IDH2: variants seen among roughly 807,000 people sequenced by gnomAD.
IDH2 encodes the protein isocitrate dehydrogenase (NADP(+)) 2.
A neutral mutation model predicts 50.5 loss-of-function variants in IDH2; 18 were observed. The ratio of observed to expected loss-of-function variants is 0.36; its 90% confidence interval spans 0.25 to 0.53. The LOEUF (loss-of-function observed/expected upper bound fraction) is 0.53, where lower values mean the gene tolerates loss of function less well. Among genes scored for constraint, IDH2 ranks in the 20% least tolerant of loss-of-function variants. IDH2 has a pLI of 0.92. For synonymous variants in IDH2, 280 were observed against 239.8 expected (o/e 1.17, Z -1.55); for missense variants, 518 against 610.7 (o/e 0.85, Z 1.60).
Position 90,085,391 on chromosome 15 carries a change from G to A in IDH2, c.968-4C>T. ...ATCAGGCCAAGGGAGCCAAAGCCTG[G>A]AGGGTAGAAAGCCTTTCTCTCAGGG... On this transcript the variant is annotated splice_region_variant and splice_polypyrimidine_tract_variant and intron_variant, in intron 7 of 10. Transcript: ENST00000330062. The surrounding 1 kb of genome is among the most constrained non-coding windows in gnomAD (Gnocchi z 5.5). 2 of 1,551,256 alleles carry A rather than the reference G, an allele frequency of 1.3e-6. No homozygotes were observed. The highest frequency in any genetic ancestry group is 1.7e-6 in the Non-Finnish European group (2 of 1,145,644).
At chr15:90,101,825 G>A (rs973218559) in intron 1 of IDH2, among the ~76,000 whole-genome samples, 1 of 152,028 alleles carries the variant, frequency 6.6e-6, no homozygotes, top group African/African-American at 2.4e-5. Flanking sequence ...CATGTCTCCC[G>A]CCTCCCAGCC....
rs765310294 is a variant in IDH2, at chr15:90,087,251, G to T, written c.828C>A (p.Thr276=). 6.2e-7 allele frequency: 1 copy of T among 1,614,094 alleles called. No homozygotes were observed. The highest frequency in any genetic ancestry group is 8.5e-7 in the Non-Finnish European group (1 of 1,180,028). ...FQEIFDKHYK[T]DFDKNKIWYE... is the part of the protein sequence containing the mutation. ...ACCAGATCTTATTCTTGTCGAAGTC[G>T]GTCTTATAGTGCCTGGGAGTAAAAA... is the stretch of plus-strand genomic sequence containing the variant. Residue 276 remains threonine (T), a synonymous_variant, in exon 7 of 11, where the codon ACC becomes ACA. Coordinates refer to ENST00000330062, the MANE Select transcript of IDH2 (RefSeq NM_002168.4).
rs1901288687 is a variant in IDH2 at position 90,100,061 on chromosome 15, CCA to C, written c.115+2213_115+2214del. Among the ~76,000 whole-genome samples the C allele has an allele frequency of 6.6e-6, 1 of 152,090 alleles. No individual in the cohort carries two copies. The highest frequency in any genetic ancestry group is 1.5e-5 in the Non-Finnish European group (1 of 68,028). On this transcript the variant is annotated intron_variant, in intron 1 of 10. Coordinates refer to ENST00000330062, the MANE Select transcript of IDH2 (RefSeq NM_002168.4). This position sits in a 1 kb window ranked among gnomAD's most constrained non-coding sequence, Gnocchi z 4.1. The stretch of plus-strand genomic sequence containing the variant: ...CCTCTCACCCATCTGGTATGCATTG[CCA>C]CACAGGGGCCAGTGAGTTCTTACCA...
chr15:90,099,273 C>T (rs557975670), intron 1 of IDH2, among the ~76,000 whole-genome samples: 1 of 152,302 alleles, frequency 6.6e-6, no homozygotes, highest in Non-Finnish European at 1.5e-5. Context: ...CTGGTGCCTG[C>T]TGAGCCAGCC....
chr15:90,088,164 G>T (rs1900921936), intron 5 of IDH2, among the ~76,000 whole-genome samples, 195 bp downstream of exon 5: 1 of 152,058 alleles, frequency 6.6e-6, no homozygotes, highest in Non-Finnish European at 1.5e-5. Context: ...CAAACTTCTG[G>T]TCTCAAGCAA....
chr15:90,089,041 A>T (rs977598673), intron 3 of IDH2, among the ~76,000 whole-genome samples: 3 of 150,276 alleles, frequency 2.0e-5, no homozygotes, highest in African/African-American at 7.4e-5. Flanking sequence ...CAGCCTCCCG[A>T]GCAGCTGGAA....
At chr15:90,088,269 A>G (rs2151549065) in intron 5 of IDH2, 90 bp downstream of exon 5, 1 of 1,506,408 alleles carries the variant, frequency 6.6e-7, no homozygotes, top group East Asian at 2.3e-5. Flanking sequence ...CCTAAGAATG[A>G]GGCCATTACA....
In IDH2 at chr15:90,092,677, A is replaced by G. The variant is rs1567256967; in HGVS notation, c.116-1033T>C. On this transcript the variant is annotated intron_variant, in intron 1 of 10. Transcript: ENST00000330062. ...CTGCAACCTCCGCCTCCCGAGTTCA[A>G]GTGATTCTCGGGCCTCAGCCTCCCA... 2.6e-5 allele frequency among the ~76,000 whole-genome samples: 4 copies of G among 152,108 alleles called. No individual in the cohort carries two copies. In the East Asian group the frequency reaches 5.8e-4, roughly 22 times the overall value.
At chr15:90,087,333 T>C in intron 6 of IDH2, 70 bp from the exon 7 acceptor site, 1 of 1,612,512 alleles carries the variant, frequency 6.2e-7, no homozygotes, top group Non-Finnish European at 8.5e-7. Context: ...TCCCTGAGCC[T>C]CGGAGCTGAG....
At position 90,085,230 on chromosome 15, in the gene IDH2, C is replaced by T. The variant is rs1024150410; in HGVS notation, c.1080+45G>A. 5.9e-6 allele frequency: 9 copies of T among 1,533,804 alleles called. No homozygotes were observed. In the African/African-American group the frequency reaches 1.2e-4, roughly 21 times the overall value. ...GCCCTCAGCCCAGTGGGCTTTAGGCCCCTGGGGTAGAGGGGCATTGTGAGG... is the reference window on the plus strand; with the variant it reads ...GCCCTCAGCCCAGTGGGCTTTAGGCTCCTGGGGTAGAGGGGCATTGTGAGG... On this transcript the variant is annotated intron_variant, in intron 8 of 10. Coordinates refer to ENST00000330062, the MANE Select transcript of IDH2 (RefSeq NM_002168.4). The surrounding 1 kb of genome is among the most constrained non-coding windows in gnomAD (Gnocchi z 5.5).
Position 90,084,779 on chromosome 15 carries a change from T to C in IDH2, c.1271+37A>G. ...AGGGGTCCCCTGGCTTCCTCCCACATGGCCCCAGGGTCTGCCTACCACCCC... is the reference window on the plus strand; with the variant it reads ...AGGGGTCCCCTGGCTTCCTCCCACACGGCCCCAGGGTCTGCCTACCACCCC... On this transcript the variant is annotated intron_variant, in intron 10 of 10. Coordinates refer to ENST00000330062, the MANE Select transcript of IDH2 (RefSeq NM_002168.4). The surrounding 1 kb of genome is among the most constrained non-coding windows in gnomAD (Gnocchi z 5.0). The C allele has an allele frequency of 1.9e-6, 3 of 1,552,586 alleles. No individual in the cohort carries two copies. The highest frequency in any genetic ancestry group is 2.7e-6 in the Non-Finnish European group (3 of 1,126,818).
At chr15:90,093,760 C>T (rs1394756957) in intron 1 of IDH2, among the ~76,000 whole-genome samples, 2 of 152,178 alleles carry the variant, frequency 1.3e-5, no homozygotes, top group Admixed American at 6.5e-5. Context: ...GCTGGGATTA[C>T]AGGCACACGC....
At position 90,100,734 on chromosome 15, in the gene IDH2, C is replaced by T. The variant is rs1901308003; in HGVS notation, c.115+1542G>A. On this transcript the variant is annotated intron_variant, in intron 1 of 10. Transcript: ENST00000330062. The surrounding 1 kb of genome is among the most constrained non-coding windows in gnomAD (Gnocchi z 4.1). ...ATGCCAAGTATTCTGTCTCCAGCTG[C>T]GTTGCCAGGTAACAAGCTGGCAGAG... The T allele has an allele frequency of 2.5e-6, 2 of 796,662 alleles. No homozygotes were observed. The highest frequency in any genetic ancestry group is 6.2e-5 in the Admixed American group (1 of 16,010). The allele number at this position is 796,662 out of a possible 1,614,324, so 49.3% of individuals were successfully genotyped here. A position where few individuals can be genotyped will look rare whatever the true frequency, so the allele number is the denominator to read the frequency against.
intron 3 of IDH2, among the ~76,000 whole-genome samples, chr15:90,089,325 C>T (rs1227183098): frequency 3.3e-5 from 5 of 152,150 alleles, no homozygotes; most frequent in African/African-American, 1.2e-4. Flanking sequence ...GAAATGAGCT[C>T]GTGTGTAAAG....
rs770371757 is a variant in IDH2, at chr15:90,088,570, T to G, written c.534+17A>C. 24 of 1,614,016 alleles carry G rather than the reference T, an allele frequency of 1.5e-5. 1 individual carries two copies. The South Asian group carries it at 2.2e-4, about 15-fold the overall frequency. On this transcript the variant is annotated intron_variant, in intron 4 of 10. Coordinates refer to ENST00000330062, the MANE Select transcript of IDH2 (RefSeq NM_002168.4). The stretch of plus-strand genomic sequence containing the variant: ...GGGGTGCCCAGGTCAGTGGATCCCC[T>G]CTCCACCCTGGCCTACCTGGTCGCC...
Position 90,084,233 on chromosome 15 carries a change from C to A in IDH2, c.*33G>T. 3.1e-6 allele frequency: 5 copies of A among 1,592,246 alleles called. No homozygotes were observed. Among genetic ancestry groups the A allele is most frequent in the Non-Finnish European group, 4.3e-6 (5 of 1,162,520 alleles). On this transcript the variant is annotated 3_prime_UTR_variant, in exon 11 of 11. Transcript: ENST00000330062. The surrounding 1 kb of genome is among the most constrained non-coding windows in gnomAD (Gnocchi z 5.0). ...GGAGGACCCGCCGGCTCAGCCCTGG[C>A]CCCTCCACTGCAGCCATGGGTGGCG...
In IDH2 at chr15:90,102,264, C is replaced by G. The variant is rs2151557960; in HGVS notation, c.115+12G>C. The G allele has an allele frequency of 5.0e-6, 6 of 1,204,140 alleles. No individual in the cohort carries two copies. Among genetic ancestry groups the G allele is most frequent in the African/African-American group, 1.6e-5 (1 of 63,320 alleles). 74.6% of individuals were successfully genotyped at this position (1,204,140 alleles called of 1,614,324 possible). A position where few individuals can be genotyped will look rare whatever the true frequency, so the allele number is the denominator to read the frequency against. ...GGCGCGCGCCTGCCTGGACCCTCCG[C>G]GCGGCACTCACAGTGGCGCCGCGGC... On this transcript the variant is annotated intron_variant, in intron 1 of 10. Transcript: ENST00000330062.
At chr15:90,094,852 A>G (rs1011750286) in intron 1 of IDH2, among the ~76,000 whole-genome samples, 15 of 152,190 alleles carry the variant, frequency 9.9e-5, no homozygotes, top group Non-Finnish European at 2.9e-5. Context: ...CAGTAAGCCA[A>G]GATCACGGCA....
In IDH2 at chr15:90,087,595, G is replaced by A. The variant is rs2151548554; in HGVS notation, c.679-20C>T. 1 of 1,612,454 alleles carries A rather than the reference G, an allele frequency of 6.2e-7. No individual in the cohort carries two copies. Among genetic ancestry groups the A allele is most frequent in the Non-Finnish European group, 8.5e-7 (1 of 1,180,004 alleles). On this transcript the variant is annotated intron_variant, in intron 5 of 10. Transcript: ENST00000330062. ...GATGGACTGCAGGGGGAGAGACAGG[G>A]CCCTGGCGTGGTGCCCTAGCCTGGC...
Sources: allele counts gnomAD v4.1 joint callset (sites outside exome capture counted in the v4.1 genomes callset), GRCh38; gene constraint gnomAD v4.1.1; non-coding constraint Gnocchi (gnomAD v3.1); transcripts MANE v1.5; gene names NCBI Gene and HGNC (gene_info 2026-07-23, HGNC 2026-07-21).